Variants in SYCE2 observed in about 807,000 individuals in gnomAD.
SYCE2 encodes the protein central element synaptonemal complex 1.
In SYCE2, 3 loss-of-function variants were observed where a neutral mutation model predicts 27.9. The ratio of observed to expected loss-of-function variants is 0.11; its 90% confidence interval spans 0.05 to 0.28. The LOEUF (loss-of-function observed/expected upper bound fraction) is 0.28. Ranked by LOEUF, SYCE2 falls within the 10% of genes least tolerant of loss-of-function variation. SYCE2 has a pLI of 1.00. For synonymous variants in SYCE2, 85 were observed against 100.7 expected (o/e 0.84, Z 0.93); for missense variants, 207 against 263.5 (o/e 0.79, Z 1.48).
chr19:12,904,209 C>CTA (rs1970893707), intron 3 of SYCE2, among the ~76,000 whole-genome samples: 1 of 152,212 alleles, frequency 6.6e-6, no homozygotes, highest in South Asian at 2.1e-4. Context: ...CAAGCCTTAT[C>CTA]TATATCATGG....
chr19:12,914,905 G>A (rs1214323216), intron 2 of SYCE2, among the ~76,000 whole-genome samples: 2 of 152,178 alleles, frequency 1.3e-5, no homozygotes, highest in African/African-American at 2.4e-5. Context: ...CATCGTGCCC[G>A]GCCTGCAGCC....
At chr19:12,912,047 C>G (rs1013830011) in intron 2 of SYCE2, among the ~76,000 whole-genome samples, 1 of 148,428 alleles carries the variant, frequency 6.7e-6, no homozygotes. Flanking sequence ...AAGCAATTCT[C>G]CTGCCTCAGC....
At chr19:12,903,868 G>A (rs962024250) in intron 3 of SYCE2, among the ~76,000 whole-genome samples, 1 of 152,208 alleles carries the variant, frequency 6.6e-6, no homozygotes, top group Non-Finnish European at 1.5e-5. Context: ...AAAGTGCTGG[G>A]ATTACAGGCG....
intron 5 of SYCE2, chr19:12,899,723 A>G (rs746040182): frequency 6.2e-7 from 1 of 1,612,386 alleles, no homozygotes; most frequent in South Asian, 1.1e-5. Flanking sequence ...TTCCTTAAAA[A>G]GAAGATGGAA....
intron 2 of SYCE2, among the ~76,000 whole-genome samples, chr19:12,912,318 T>C (rs1314993881): frequency 1.3e-5 from 2 of 151,780 alleles, no homozygotes; most frequent in Admixed American, 6.6e-5. Flanking sequence ...AGCCTTTGCC[T>C]GGAATGACTT....
chr19:12,918,691 C>T (rs1287259389), intron 1 of SYCE2, among the ~76,000 whole-genome samples: 10 of 151,936 alleles, frequency 6.6e-5, no homozygotes, highest in African/African-American at 1.9e-4. Context: ...CGGTGGCTCA[C>T]GCCTGTAATC....
chr19:12,909,825 C>CA (rs1301441252), intron 2 of SYCE2, among the ~76,000 whole-genome samples: 1 of 152,106 alleles, frequency 6.6e-6, no homozygotes, highest in Non-Finnish European at 1.5e-5. Context: ...CTCGGCCTCT[C>CA]AAAGTGCTGG....
intron 3 of SYCE2, 150 bp from the exon 4 acceptor site, chr19:12,900,798 C>T (rs942899250): frequency 1.4e-6 from 1 of 708,028 alleles, no homozygotes; most frequent in Non-Finnish European, 2.3e-6. Flanking sequence ...AACCCCAGCA[C>T]TTTGGTAGGC....
chr19:12,901,041 C>T (rs1306836855), intron 3 of SYCE2, among the ~76,000 whole-genome samples: 2 of 152,062 alleles, frequency 1.3e-5, no homozygotes, highest in South Asian at 2.1e-4. Context: ...AGGTGGCGGG[C>T]GCCTGTAGTC....
At chr19:12,913,753 G>T (rs1479970901) in intron 2 of SYCE2, among the ~76,000 whole-genome samples, 1 of 152,148 alleles carries the variant, frequency 6.6e-6, no homozygotes, top group Non-Finnish European at 1.5e-5. Flanking sequence ...AGCGGTCTGT[G>T]TCTCTTCACT....
At chr19:12,900,811 A>G (rs1025819900) in intron 3 of SYCE2, 163 bp from the exon 4 acceptor site, 8 of 649,920 alleles carry the variant, frequency 1.2e-5, no homozygotes, top group Non-Finnish European at 2.1e-5. Flanking sequence ...TGGTAGGCCA[A>G]GGTGGGTGGA....
chr19:12,912,585 C>T (rs1971067122), intron 2 of SYCE2, among the ~76,000 whole-genome samples: 1 of 152,160 alleles, frequency 6.6e-6, no homozygotes, highest in Non-Finnish European at 1.5e-5. Context: ...CCCAGTTCAC[C>T]TTGTTGTCTC....
Position 12,910,771 on chromosome 19 carries a change from G to A in SYCE2, c.132-6105C>T, listed in dbSNP as rs912324264. The stretch of plus-strand genomic sequence containing the variant: ...CGGCTCACTGCAAGCTCTGCCTCCC[G>A]GGTTCATGCCATTCTCCTGCCTCAG... On this transcript the variant is annotated intron_variant, in intron 2 of 5. Coordinates refer to ENST00000293695, the MANE Select transcript of SYCE2 (RefSeq NM_001105578.2). Among the ~76,000 whole-genome samples the A allele has an allele frequency of 3.3e-5, 5 of 151,590 alleles. No individual in the cohort carries two copies. The South Asian group carries it at 6.3e-4, about 19-fold the overall frequency.
At chr19:12,908,962 G>A (rs922019019) in intron 2 of SYCE2, among the ~76,000 whole-genome samples, 2 of 152,150 alleles carry the variant, frequency 1.3e-5, no homozygotes. Flanking sequence ...ATTCCACAAT[G>A]CACAGGCTAT....
Position 12,918,299 on chromosome 19 carries a change from C to G in SYCE2, c.54G>C (p.Pro18=), listed in dbSNP as rs374762191. 3 of 1,614,166 alleles carry G rather than the reference C, an allele frequency of 1.9e-6. No homozygotes were observed. The East Asian group carries it at 6.7e-5, about 36-fold the overall frequency. Residue 18 remains proline (P), a synonymous_variant, in exon 2 of 6, where the codon CCG becomes CCC. Transcript: ENST00000293695. ...VPHVKCKDQE[P]QPLGESKEHP... ...GCTCCTTGCTCTCCCCCAAGGGCTG[C>G]GGTTCCTGGTCTTTGCATTTCACAT...
intron 2 of SYCE2, among the ~76,000 whole-genome samples, chr19:12,915,366 C>T (rs373998185): frequency 4.6e-5 from 7 of 152,002 alleles, no homozygotes; most frequent in African/African-American, 7.2e-5. Flanking sequence ...TTTGGGAGGC[C>T]GAGGCGGGCG....
intron 2 of SYCE2, chr19:12,906,267 A>G (rs541095142): frequency 6.6e-6 from 1 of 152,196 alleles, no homozygotes; most frequent in Non-Finnish European, 1.5e-5. Flanking sequence ...CCTTGCTCCC[A>G]CCAGGTGAGG....
chr19:12,899,087 T>C lies in SYCE2; in HGVS notation c.*254A>G. The C allele has an allele frequency of 1.8e-6, 1 of 543,880 alleles. No homozygotes were observed. The highest frequency in any genetic ancestry group is 2.1e-5 in the South Asian group (1 of 47,154). The allele number at this position is 543,880 out of a possible 1,614,324, so 33.7% of individuals were successfully genotyped here. A position where few individuals can be genotyped will look rare whatever the true frequency, so the allele number is the denominator to read the frequency against. Reference sequence around the variant, plus strand: ...CAAGGAAGCGTGGCCAGGTTGAAAATCAAACATTTAATAAACTGTGGGGCT... The same window carrying C: ...CAAGGAAGCGTGGCCAGGTTGAAAACCAAACATTTAATAAACTGTGGGGCT... On this transcript the variant is annotated 3_prime_UTR_variant, in exon 6 of 6. Coordinates refer to ENST00000293695, the MANE Select transcript of SYCE2 (RefSeq NM_001105578.2).
intron 3 of SYCE2, among the ~76,000 whole-genome samples, chr19:12,901,100 C>T (rs1161700150): frequency 1.3e-5 from 2 of 151,424 alleles, no homozygotes; most frequent in African/African-American, 4.9e-5. Flanking sequence ...ACCCGGGCGG[C>T]GGAGCTTGCA....
Sources: allele counts gnomAD v4.1 joint callset (sites outside exome capture counted in the v4.1 genomes callset), GRCh38; gene constraint gnomAD v4.1.1; transcripts MANE v1.5; gene names NCBI Gene and HGNC (gene_info 2026-07-23, HGNC 2026-07-21).